The following RASGRP2 variants were observed in gnomAD, a reference collection of about 807,000 sequenced individuals.
The protein encoded by RASGRP2 is RAS guanyl releasing protein 2.
Under a neutral mutation model 71.0 loss-of-function variants are expected in RASGRP2, and 44 were observed. The ratio of observed to expected loss-of-function variants is 0.62; its 90% CI spans 0.49 to 0.80. The LOEUF (loss-of-function observed/expected upper bound fraction) is 0.80, where lower values mean the gene tolerates loss of function less well. Ranked by LOEUF, RASGRP2 falls within the 30% of genes least tolerant of loss-of-function variation. RASGRP2 has a pLI of 0.00. For synonymous variants in RASGRP2, 350 were observed against 330.7 expected (o/e 1.06, Z -0.63); for missense variants, 663 against 813.4 (o/e 0.82, Z 2.25).
At position 64,743,492 on chromosome 11, in the gene RASGRP2, C is replaced by T. The variant is rs2058210720; in HGVS notation, c.-72+511G>A. On this transcript the variant is annotated intron_variant, in intron 1 of 16. Coordinates refer to ENST00000394432, the MANE Select transcript of RASGRP2 (RefSeq NM_001098671.2). The surrounding 1 kb of genome is among the most constrained non-coding windows in gnomAD (Gnocchi z 4.9). Reference sequence around the variant, plus strand: ...GCTGCGGCAGCCCCCAGGGGGCCTGCCCTAGGGGAGGCGGACTGGATGGGA... The same window carrying T: ...GCTGCGGCAGCCCCCAGGGGGCCTGTCCTAGGGGAGGCGGACTGGATGGGA... 2.9e-6 allele frequency: 1 copy of T among 348,564 alleles called. No homozygotes were observed. The highest frequency in any genetic ancestry group is 2.2e-5 in the African/African-American group (1 of 45,380). 21.6% of individuals were successfully genotyped at this position (348,564 alleles called of 1,614,324 possible).
chr11:64,743,040 G>T lies in RASGRP2; in HGVS notation c.-71-103C>A. On this transcript the variant is annotated intron_variant, in intron 1 of 16. Coordinates refer to ENST00000394432, the MANE Select transcript of RASGRP2 (RefSeq NM_001098671.2). This position sits in a 1 kb window ranked among gnomAD's most constrained non-coding sequence, Gnocchi z 4.9. ...GCGGGCACGCCCCCTGCTGGACAGG[G>T]GCGGAGTTGTCCCCCGCGGCCACTC... is the stretch of plus-strand genomic sequence containing the variant. The T allele has an allele frequency of 1.5e-6, 2 of 1,302,362 alleles. No homozygotes were observed. The highest frequency in any genetic ancestry group is 1.3e-5 in the South Asian group (1 of 78,600). 80.7% of individuals were successfully genotyped at this position (1,302,362 alleles called of 1,614,324 possible).
intron 8 of RASGRP2, chr11:64,737,293 G>A (rs2057973420): frequency 1.9e-6 from 1 of 527,374 alleles, no homozygotes; most frequent in Admixed American, 3.2e-5. Flanking sequence ...CATTTAACAG[G>A]AGAAACAGAG....
At position 64,730,143 on chromosome 11, in the gene RASGRP2, G is replaced by C. The variant is rs1489066343; in HGVS notation, c.1464C>G (p.Ser488Arg). 2 of 1,551,568 alleles carry C rather than the reference G, an allele frequency of 1.3e-6. No homozygotes were observed. Among genetic ancestry groups the C allele is most frequent in the Non-Finnish European group, 1.7e-6 (2 of 1,147,012 alleles). The stretch of plus-strand genomic sequence containing the variant: ...AGCCCATGCGCCCCCCCAACACAGA[G>C]CTGGAGCGCAGGAAATAGGAAACCA... ...EEMVSYFLRSSSVLGGRMGFV... is the reference protein window; with the variant it reads ...EEMVSYFLRSRSVLGGRMGFV... Residue 488 changes from serine to arginine, a missense_variant, in exon 13 of 17, where the codon AGC (serine) becomes AGG (arginine). Transcript: ENST00000394432.
Position 64,743,704 on chromosome 11 carries a change from G to T in RASGRP2, c.-72+299C>A. 2.7e-6 allele frequency: 1 copy of T among 370,484 alleles called. No individual in the cohort carries two copies. The highest frequency in any genetic ancestry group is 5.2e-6 in the Non-Finnish European group (1 of 191,988). The allele number at this position is 370,484 out of a possible 1,614,324, so 22.9% of individuals were successfully genotyped here. On this transcript the variant is annotated intron_variant, in intron 1 of 16. Transcript: ENST00000394432. The surrounding 1 kb of genome is among the most constrained non-coding windows in gnomAD (Gnocchi z 4.9). ...ACCCTGGCCCCGGCCCCGCACAGGC[G>T]AACTGTGAGCGCGCACGGAGCAGGG...
Position 64,741,043 on chromosome 11 carries a change from C to T in RASGRP2, c.276G>A (p.Leu92=). 6.2e-7 allele frequency: 1 copy of T among 1,613,738 alleles called. No individual in the cohort carries two copies. The highest frequency in any genetic ancestry group is 8.5e-7 in the Non-Finnish European group (1 of 1,180,024). The change falls in exon 5 of 17, where the codon TTG becomes TTA. Residue 92 remains leucine, a synonymous_variant. Transcript: ENST00000394432. ...TGATCTGCTCAGCCAACTCCGGGTT[C>T]AAGTCAAACTCCGCTGGGAAGGCGG... ...WISAFPAEFD[L]NPELAEQIKE...
chr11:64,728,924 G>A lies in RASGRP2; in HGVS notation c.1710C>T (p.His570=), dbSNP rs745593652. 3 of 1,613,292 alleles carry A rather than the reference G, an allele frequency of 1.9e-6. No individual in the cohort carries two copies. Among genetic ancestry groups the A allele is most frequent in the Non-Finnish European group, 2.5e-6 (3 of 1,180,008 alleles). ...GAGAGAAGCTGAAGGCGCGGTGATG[G>A]TGGCTGTGCATGGGTGAGGGTGAGG... ...SAPSPSPMHS[H]HHRAFSFSLP... is the part of the protein sequence containing the mutation. The change falls in exon 15 of 17, where the codon CAC becomes CAT. Residue 570 remains histidine (H), a synonymous_variant. Coordinates refer to ENST00000394432, the MANE Select transcript of RASGRP2 (RefSeq NM_001098671.2).
In RASGRP2 at chr11:64,728,964, A is replaced by G. The variant is rs774283374; in HGVS notation, c.1670T>C (p.Leu557Pro). 1 of 1,611,686 alleles carries G rather than the reference A, an allele frequency of 6.2e-7. No homozygotes were observed. Among genetic ancestry groups the G allele is most frequent in the East Asian group, 2.2e-5 (1 of 44,874 alleles). Residue 557 changes from leucine (L) to proline (P), a missense_variant, in exon 15 of 17, where the codon CTG (leucine) becomes CCG (proline). Physicochemically the swap from Leu to Pro is moderately conservative, Grantham distance 98. Transcript: ENST00000394432. ...ECRRRAQSVS[L>P]EGSAPSPSPM... Reference sequence around the variant, plus strand: ...TGAGGGTGAGGGTGCAGACCCCTCCAGGCTCACACTCTGGGCCCTGCGCCG... The same window carrying G: ...TGAGGGTGAGGGTGCAGACCCCTCCGGGCTCACACTCTGGGCCCTGCGCCG...
Position 64,728,958 on chromosome 11 carries a change from C to T in RASGRP2, c.1676G>A (p.Gly559Glu). ...RRRAQSVSLE[G>E]SAPSPSPMHS... is the part of the protein sequence containing the mutation. ...CATGGGTGAGGGTGAGGGTGCAGAC[C>T]CCTCCAGGCTCACACTCTGGGCCCT... is the stretch of plus-strand genomic sequence containing the variant. The change falls in exon 15 of 17, where the codon GGG becomes GAG. Residue 559 changes from glycine to glutamate, a missense_variant. Physicochemically the swap from Gly to Glu is moderately conservative, Grantham distance 98. Transcript: ENST00000394432. 1.2e-6 allele frequency: 2 copies of T among 1,612,146 alleles called. No individual in the cohort carries two copies. Among genetic ancestry groups the T allele is most frequent in the Non-Finnish European group, 1.7e-6 (2 of 1,179,724 alleles).
In RASGRP2 at chr11:64,735,843, T is replaced by G; in HGVS notation, c.1173+60A>C. 6.4e-7 allele frequency: 1 copy of G among 1,556,530 alleles called. No homozygotes were observed. Among genetic ancestry groups the G allele is most frequent in the Non-Finnish European group, 8.8e-7 (1 of 1,136,790 alleles). ...TGGCTGCTAAGAGCTCTTCCCATCC[T>G]CACATCCTGGGATTCTCAGGAGGGA... On this transcript the variant is annotated intron_variant, in intron 10 of 16. Transcript: ENST00000394432. The surrounding 1 kb of genome is among the most constrained non-coding windows in gnomAD (Gnocchi z 4.2).
chr11:64,740,388 A>G, intron 5 of RASGRP2: 1 of 696,614 alleles, frequency 1.4e-6, no homozygotes, highest in Middle Eastern at 2.4e-4. Context: ...GCACTGTGCT[A>G]GGCGCTGGGA....
Position 64,743,939 on chromosome 11 carries a change from C to G in RASGRP2, c.-72+64G>C, listed in dbSNP as rs2058227720. On this transcript the variant is annotated intron_variant, in intron 1 of 16. Coordinates refer to ENST00000394432, the MANE Select transcript of RASGRP2 (RefSeq NM_001098671.2). This position sits in a 1 kb window ranked among gnomAD's most constrained non-coding sequence, Gnocchi z 4.9. The stretch of plus-strand genomic sequence containing the variant: ...GGCACCGGCCTCCCATCCTCCGTCT[C>G]TCACACACAATGGCACCCACACCCT... The G allele has an allele frequency of 2.0e-6, 2 of 1,001,894 alleles. No individual in the cohort carries two copies. Among genetic ancestry groups the G allele is most frequent in the Admixed American group, 1.2e-4 (2 of 16,956 alleles). The allele number at this position is 1,001,894 out of a possible 1,614,324, so 62.1% of individuals were successfully genotyped here. A position where few individuals can be genotyped will look rare whatever the true frequency, so the allele number is the denominator to read the frequency against.
chr11:64,744,799 T>A (rs1456929848), upstream of RASGRP2: 1 of 146,954 alleles, frequency 6.8e-6, no homozygotes, highest in African/African-American at 2.5e-5. Context: ...CTCCGTGCGC[T>A]CCCGCCCGCC....
In RASGRP2 at chr11:64,742,591, A is replaced by G; in HGVS notation, c.73+203T>C. 2.9e-6 allele frequency: 2 copies of G among 694,802 alleles called. No homozygotes were observed. Among genetic ancestry groups the G allele is most frequent in the Non-Finnish European group, 4.8e-6 (2 of 413,364 alleles). 43.0% of individuals were successfully genotyped at this position (694,802 alleles called of 1,614,324 possible). A position where few individuals can be genotyped will look rare whatever the true frequency, so the allele number is the denominator to read the frequency against. ...CCCTTCGCCGCCGCTGGGGAAGGCT[A>G]GAGAAGGGAAACCTCATCTGTCTGA... is the stretch of plus-strand genomic sequence containing the variant. On this transcript the variant is annotated intron_variant, in intron 2 of 16. Transcript: ENST00000394432. The surrounding 1 kb of genome is among the most constrained non-coding windows in gnomAD (Gnocchi z 4.7).
chr11:64,729,117 C>T (rs2057674302), intron 14 of RASGRP2, 75 bp from the exon 15 acceptor site: 1 of 1,426,640 alleles, frequency 7.0e-7, no homozygotes, highest in Admixed American at 2.0e-5. Flanking sequence ...CAGGCTTGTG[C>T]CCCCCTACCA....
At chr11:64,736,049 C>G (rs759608680) in intron 9 of RASGRP2, 69 bp from the exon 10 acceptor site, 1 of 1,335,808 alleles carries the variant, frequency 7.5e-7, no homozygotes, top group East Asian at 2.3e-5. Context: ...GGCCAAAGGT[C>G]GACCTAGAGG....
chr11:64,741,427 G>C lies in RASGRP2; in HGVS notation c.239+12C>G, dbSNP rs749532632. 3.9e-6 allele frequency: 6 copies of C among 1,544,194 alleles called. No individual in the cohort carries two copies. In the Admixed American group the frequency reaches 5.7e-5, roughly 15 times the overall value. The stretch of plus-strand genomic sequence containing the variant: ...AAAGGGGAGGGGCTAGAGCCCCAGG[G>C]GAAAGACTCACCTGACCAGGTGGCA... On this transcript the variant is annotated intron_variant, in intron 4 of 16. Coordinates refer to ENST00000394432, the MANE Select transcript of RASGRP2 (RefSeq NM_001098671.2).
At position 64,739,482 on chromosome 11, in the gene RASGRP2, A is replaced by G; in HGVS notation, c.697-6T>C. 6.2e-7 allele frequency: 1 copy of G among 1,613,920 alleles called. No homozygotes were observed. Among genetic ancestry groups the G allele is most frequent in the African/African-American group, 1.3e-5 (1 of 75,042 alleles). The stretch of plus-strand genomic sequence containing the variant: ...TTCTGCAGCTGTAGCAGCTTCTGGA[A>G]GGCAAATGGGGACGGAGAGGCAGGG... On this transcript the variant is annotated splice_region_variant and splice_polypyrimidine_tract_variant and intron_variant, in intron 7 of 16. Transcript: ENST00000394432. The surrounding 1 kb of genome is among the most constrained non-coding windows in gnomAD (Gnocchi z 4.2).
In RASGRP2 at chr11:64,739,364, ATGGT is replaced by A. The variant is rs2058046628; in HGVS notation, c.805_808del (p.Thr269SerfsTer10). On this transcript the variant is annotated frameshift_variant, in exon 8 of 17. Coordinates refer to ENST00000394432, the MANE Select transcript of RASGRP2 (RefSeq NM_001098671.2). LOFTEE classifies it high-confidence loss of function. This position sits in a 1 kb window ranked among gnomAD's most constrained non-coding sequence, Gnocchi z 4.2. ...CCCCTCCCCAGTCCCAGGCACCTTGATGGTCTCAGGGCTAACGTGGCTGTGGGTC... is the reference window on the plus strand; with the variant it reads ...CCCCTCCCCAGTCCCAGGCACCTTGACTCAGGGCTAACGTGGCTGTGGGTC... The A allele has an allele frequency of 6.2e-7, 1 of 1,613,678 alleles. No individual in the cohort carries two copies. The highest frequency in any genetic ancestry group is 8.5e-7 in the Non-Finnish European group (1 of 1,179,778).
At position 64,741,472 on chromosome 11, in the gene RASGRP2, T is replaced by C. The variant is rs773765522; in HGVS notation, c.206A>G (p.Asn69Ser). The C allele has an allele frequency of 1.5e-5, 23 of 1,580,358 alleles. No individual in the cohort carries two copies. Among genetic ancestry groups the C allele is most frequent in the Admixed American group, 1.3e-4 (7 of 55,032 alleles). ...IYQQSRKDNS[N>S]SLQVKTCHLV... ...GTGGCACGTTTTCACCTGCAGGGAA[T>C]TGGAGTTGTCCTTCCGGGATTGTTG... Residue 69 changes from asparagine (N) to serine (S), a missense_variant, in exon 4 of 17, where the codon AAT becomes AGT. Asn to Ser is a conservative substitution (Grantham distance 46). Transcript: ENST00000394432.
Sources: allele counts gnomAD v4.1 joint callset, GRCh38; gene constraint gnomAD v4.1.1; non-coding constraint Gnocchi (gnomAD v3.1); transcripts MANE v1.5; gene names NCBI Gene and HGNC (gene_info 2026-07-23, HGNC 2026-07-21).